The following GOLGB1 variants were observed in gnomAD, a reference collection of about 807,000 sequenced individuals.
GOLGB1 encodes golgin subfamily B member 1.
A neutral mutation model predicts 336.9 loss-of-function variants in GOLGB1; 174 were observed. That is an observed-to-expected ratio of 0.52 (90% confidence interval 0.46 to 0.59). GOLGB1 has a LOEUF of 0.59. GOLGB1 is among the 20% of genes least tolerant of loss of function. The probability of loss-of-function intolerance (pLI) is 0.00; values close to 1 mark genes in which losing one functional copy is unlikely to be tolerated. For missense variants in GOLGB1, 3,331 were observed against 3,645.3 expected, an observed-to-expected ratio of 0.91 and a Z score of 2.22; for synonymous variants, 1,208 against 1,289.2, an observed-to-expected ratio of 0.94 and a Z score of 1.35.
chr3:121,719,875 T>A (rs1162791997), intron 6 of GOLGB1, 107 bp from the exon 7 acceptor site: 5 of 941,854 alleles, frequency 5.3e-6, no homozygotes, highest in Non-Finnish European at 5.8e-6. Context: ...TGATAGTAGC[T>A]TTTTAAAGTG....
intron 1 of GOLGB1, 76 bp from the exon 2 acceptor site, chr3:121,731,049 A>T: frequency 1.4e-6 from 2 of 1,396,668 alleles, no homozygotes; most frequent in Admixed American, 4.1e-5. Context: ...TGATAACCAT[A>T]TCATCCGTGA....
chr3:121,727,073 A>C, intron 4 of GOLGB1, 32 bp from the exon 5 acceptor site: 1 of 1,272,492 alleles, frequency 7.9e-7, no homozygotes, highest in Non-Finnish European at 1.1e-6. Context: ...TCATTATTTA[A>C]AAGAATTACA....
intron 6 of GOLGB1, 122 bp from the exon 7 acceptor site, chr3:121,719,890 T>C (rs943532256): frequency 2.6e-5 from 21 of 799,026 alleles, no homozygotes; most frequent in Non-Finnish European, 3.4e-5. Context: ...AAAGTGAAAT[T>C]TTGATTGTCA....
chr3:121,742,192 C>T (rs1946911787), intron 1 of GOLGB1, among the ~76,000 whole-genome samples: 1 of 152,186 alleles, frequency 6.6e-6, no homozygotes, highest in Non-Finnish European at 1.5e-5. Context: ...AAGCTGGAGG[C>T]ATCACGCTAC....
At chr3:121,666,517 G>C (rs550575572) in intron 20 of GOLGB1, among the ~76,000 whole-genome samples, 22 of 152,288 alleles carry the variant, frequency 1.4e-4, no homozygotes, top group African/African-American at 4.6e-4. Context: ...AAGGCATTAA[G>C]CAAAGCTGGC....
Position 121,694,114 on chromosome 3 carries a change from C to G in GOLGB1, c.6409G>C (p.Glu2137Gln), listed in dbSNP as rs1422894874. Residue 2137 changes from glutamate (E) to glutamine (Q), a missense_variant, in exon 13 of 22, where the codon GAG (glutamate) becomes CAG (glutamine). By Grantham distance (29) the Glu-to-Gln change is conservative. Transcript: ENST00000614479. ...DLERRLEQAEEKHLKEKKNMQ... is the reference protein window; with the variant it reads ...DLERRLEQAEQKHLKEKKNMQ... Reference sequence around the variant, plus strand: ...TTCTTCTTCTCTTTCAGGTGCTTCTCTTCTGCCTGTTCCAGTCTTCGCTCA... The same window carrying G: ...TTCTTCTTCTCTTTCAGGTGCTTCTGTTCTGCCTGTTCCAGTCTTCGCTCA... The G allele has an allele frequency of 6.2e-7, 1 of 1,614,014 alleles. No individual in the cohort carries two copies. Among genetic ancestry groups the G allele is most frequent in the Admixed American group, 1.7e-5 (1 of 60,010 alleles).
At chr3:121,745,881 A>C (rs1238673533) in intron 1 of GOLGB1, among the ~76,000 whole-genome samples, 9 of 152,196 alleles carry the variant, frequency 5.9e-5, no homozygotes, top group Non-Finnish European at 2.9e-5. Flanking sequence ...TATTTTCTCC[A>C]AGTCTTCACT....
chr3:121,725,368 T>C (rs1039811602), intron 5 of GOLGB1, among the ~76,000 whole-genome samples: 1 of 152,180 alleles, frequency 6.6e-6, no homozygotes, highest in African/African-American at 2.4e-5. Context: ...AAGAAGATTA[T>C]TCTGGAATTT....
At chr3:121,710,251 G>A (rs571549211) in intron 10 of GOLGB1, among the ~76,000 whole-genome samples, 1 of 151,730 alleles carries the variant, frequency 6.6e-6, no homozygotes, top group South Asian at 2.1e-4. Flanking sequence ...TTCAAAAACC[G>A]AAATAATACC....
chr3:121,739,411 T>C (rs1181650162), intron 1 of GOLGB1, among the ~76,000 whole-genome samples: 1 of 151,988 alleles, frequency 6.6e-6, no homozygotes, highest in African/African-American at 2.4e-5. Flanking sequence ...TTCAAAACTA[T>C]AACCACTTAA....
intron 14 of GOLGB1, among the ~76,000 whole-genome samples, chr3:121,684,383 G>A (rs1167436649): frequency 6.6e-6 from 1 of 151,208 alleles, no homozygotes; most frequent in East Asian, 1.9e-4. Context: ...AAAGGATAGA[G>A]GAAAATGGTA....
At position 121,696,257 on chromosome 3, in the gene GOLGB1, C is replaced by T. The variant is rs1249600046; in HGVS notation, c.4266G>A (p.Glu1422=). 1 of 1,614,036 alleles carries T rather than the reference C, an allele frequency of 6.2e-7. No homozygotes were observed. Among genetic ancestry groups the T allele is most frequent in the Non-Finnish European group, 8.5e-7 (1 of 1,179,980 alleles). ...DVSYLSGQLS[E]KEAALTKIQT... The stretch of plus-strand genomic sequence containing the variant: ...GTATTTTAGTGAGAGCTGCTTCTTT[C>T]TCACTAAGTTGTCCAGAAAGGTAGC... Residue 1422 remains glutamate, a synonymous_variant, in exon 13 of 22, where the codon GAG becomes GAA. Transcript: ENST00000614479.
intron 17 of GOLGB1, among the ~76,000 whole-genome samples, chr3:121,670,760 G>T (rs1181236384): frequency 1.3e-5 from 2 of 149,584 alleles, no homozygotes; most frequent in African/African-American, 4.9e-5. Context: ...TCTTTTGGGG[G>T]GGGGGGTGTG....
chr3:121,670,761 G>T lies in GOLGB1; in HGVS notation c.9178-1406C>A, dbSNP rs576293641. Among the ~76,000 whole-genome samples the T allele has an allele frequency of 1.8e-3, 264 of 149,306 alleles. 13 individuals carry two copies. Among genetic ancestry groups the T allele is most frequent in the Non-Finnish European group, 2.9e-3 (197 of 67,126 alleles). The stretch of plus-strand genomic sequence containing the variant: ...AAATCATAGGGTTTTCTTTTGGGGG[G>T]GGGGGTGTGGGAGGAGGTGGGAATA... On this transcript the variant is annotated intron_variant, in intron 17 of 21. Coordinates refer to ENST00000614479, the MANE Select transcript of GOLGB1 (RefSeq NM_001366282.2).
chr3:121,731,368 C>CT (rs774044046), intron 1 of GOLGB1, among the ~76,000 whole-genome samples: 2,452 of 143,552 alleles, frequency 0.017, 22 homozygotes, highest in East Asian at 0.021. Flanking sequence ...TTTTCTTTTT[C>CT]TTTTTTTTTT....
intron 9 of GOLGB1, among the ~76,000 whole-genome samples, chr3:121,715,731 G>A (rs1481607317): frequency 1.3e-5 from 2 of 151,790 alleles, no homozygotes; most frequent in Non-Finnish European, 2.9e-5. Flanking sequence ...AATGGCTCAC[G>A]CCTGTAATCC....
At chr3:121,689,412 C>A (rs868177014) in intron 14 of GOLGB1, among the ~76,000 whole-genome samples, 1 of 151,690 alleles carries the variant, frequency 6.6e-6, no homozygotes. Flanking sequence ...GGATTAAGGG[C>A]GGTGCAAGAT....
rs1286141991 is a variant in GOLGB1 at position 121,695,080 on chromosome 3, T to C, written c.5443A>G (p.Thr1815Ala). Reference protein sequence around the residue: ...QDSLSMSTRPTCSESVPSAKS... With the variant: ...QDSLSMSTRPACSESVPSAKS... ...GCTGATGGAACCGATTCTGAACATG[T>C]AGGTCTTGTGCTCATACTCAGAGAG... is the stretch of plus-strand genomic sequence containing the variant. The change falls in exon 13 of 22, where the codon ACA becomes GCA. Residue 1815 changes from threonine to alanine, a missense_variant. Thr to Ala is a moderately conservative substitution (Grantham distance 58). Transcript: ENST00000614479. 1.9e-6 allele frequency: 3 copies of C among 1,614,102 alleles called. No individual in the cohort carries two copies. The highest frequency in any genetic ancestry group is 3.3e-5 in the Admixed American group (2 of 60,016).
chr3:121,667,385 T>A (rs1391466815), intron 20 of GOLGB1, 91 bp downstream of exon 20: 3 of 1,354,382 alleles, frequency 2.2e-6, no homozygotes, highest in Non-Finnish European at 2.0e-6. Context: ...GAGAAAAAGA[T>A]CTTAAGAAAT....
Sources: gnomAD v4.1 joint callset for allele counts (sites outside exome capture counted in the v4.1 genomes callset) on GRCh38, gnomAD v4.1.1 for gene constraint, MANE v1.5 for transcripts, NCBI Gene and HGNC (gene_info 2026-07-23, HGNC 2026-07-21) for gene names.